Variants in EPS15 observed in about 807,000 individuals in gnomAD.
EPS15 encodes epidermal growth factor receptor substrate 15.
EPS15 carries 72 observed loss-of-function variants against 113.8 expected under a neutral mutation model. That is an observed-to-expected ratio of 0.63 (90% CI 0.52 to 0.77). The LOEUF (loss-of-function observed/expected upper bound fraction) is 0.77, where lower values mean the gene tolerates loss of function less well. EPS15 is among the 30% of genes least tolerant of loss of function. The pLI, the probability that EPS15 is intolerant of heterozygous loss-of-function variation, is 0.00. For synonymous variants in EPS15, 344 were observed against 363.4 expected (o/e 0.95, Z 0.61); for missense variants, 1,048 against 1,045.8 (o/e 1.00, Z -0.03).
chr1:51,482,996 C>T (rs1157791008), intron 1 of EPS15, among the ~76,000 whole-genome samples: 2 of 152,174 alleles, frequency 1.3e-5, no homozygotes, highest in East Asian at 1.9e-4. Context: ...CTCAGTTGCT[C>T]GCCGTCAGAG....
At chr1:51,459,162 AAAAAC>A (rs772618602) in intron 8 of EPS15, 1 of 152,272 alleles carries the variant, frequency 6.6e-6, no homozygotes, top group South Asian at 2.1e-4. Flanking sequence ...AGGAAGGGCC[AAAAAC>A]AAAAGAAAAA....
In EPS15 at chr1:51,357,931, G is replaced by T. The variant is rs180881707; in HGVS notation, c.2545-1085C>A. ...ATCCTGTATTTTTAGTAGAGATAGGGTTTCTTCATGTTGGTTAGGCTGATC... is the reference window on the plus strand; with the variant it reads ...ATCCTGTATTTTTAGTAGAGATAGGTTTTCTTCATGTTGGTTAGGCTGATC... On this transcript the variant is annotated intron_variant, in intron 24 of 24. Transcript: ENST00000371733. Among the ~76,000 whole-genome samples the T allele has an allele frequency of 1.6e-3, 243 of 152,008 alleles. 8 individuals are homozygous for T. The East Asian group carries it at 0.036, about 22-fold the overall frequency.
intron 13 of EPS15, among the ~76,000 whole-genome samples, chr1:51,413,585 A>G (rs971189954): frequency 2.0e-5 from 3 of 152,196 alleles, no homozygotes; most frequent in Non-Finnish European, 4.4e-5. Context: ...ATTTATTAAT[A>G]CCCCAAACTG....
At chr1:51,436,984 C>T (rs1181794863) in intron 12 of EPS15, among the ~76,000 whole-genome samples, 1 of 152,188 alleles carries the variant, frequency 6.6e-6, no homozygotes, top group Non-Finnish European at 1.5e-5. Flanking sequence ...TATATTACAA[C>T]TACCTGTATT....
chr1:51,472,412 A>C (rs746678000), intron 3 of EPS15, among the ~76,000 whole-genome samples: 73 of 152,204 alleles, frequency 4.8e-4, no homozygotes, highest in Non-Finnish European at 9.6e-4. Flanking sequence ...GATTCTGAAT[A>C]TATATCAATA....
chr1:51,452,030 C>T lies in EPS15; in HGVS notation c.562-3895G>A, dbSNP rs12097633. Among the ~76,000 whole-genome samples, 1,195 of 151,692 alleles carry T rather than the reference C, an allele frequency of 7.9e-3. 21 individuals are homozygous for T. Among genetic ancestry groups the T allele is most frequent in the African/African-American group, 0.028 (1,157 of 41,370 alleles). ...CCAAGTAGCTGGGTCTACAGGTAAA[C>T]GCCACCAAACCCAGCTAATTTTTTT... On this transcript the variant is annotated intron_variant, in intron 8 of 24. Transcript: ENST00000371733.
chr1:51,457,510 CTTTTTTTTTT>C (rs34245440), intron 8 of EPS15: 2 of 70,716 alleles, frequency 2.8e-5, no homozygotes, highest in Admixed American at 1.6e-4. Flanking sequence ...GGAATATTAT[CTTTTTTTTTT>C]TTTTTTTTTT....
At chr1:51,486,576 G>C (rs1553135292) in intron 1 of EPS15, among the ~76,000 whole-genome samples, 1 of 152,126 alleles carries the variant, frequency 6.6e-6, no homozygotes, top group Non-Finnish European at 1.5e-5. Flanking sequence ...GGGAGATCCT[G>C]TCTCTATAAA....
chr1:51,440,346 C>T lies in EPS15; in HGVS notation c.1040+1G>A. 2.1e-6 allele frequency: 3 copies of T among 1,400,558 alleles called. No homozygotes were observed. Among genetic ancestry groups the T allele is most frequent in the East Asian group, 2.6e-5 (1 of 38,344 alleles). 86.8% of individuals were successfully genotyped at this position (1,400,558 alleles called of 1,614,324 possible). On this transcript the variant is annotated splice_donor_variant, in intron 12 of 24. Coordinates refer to ENST00000371733, the MANE Select transcript of EPS15 (RefSeq NM_001981.3). LOFTEE classifies it high-confidence loss of function. ...GTAGGCTGTAATTTTGCTTTACATA[C>T]CTCTGTAGGTCAACTATTTCATTGT...
In EPS15 at chr1:51,423,199, C is replaced by T. The variant is rs1422252003; in HGVS notation, c.1041-1341G>A. ...TTAAACATTTGAGATGGCCAAGGAG[C>T]TCACTAACCGTTTGTCAGATGGGTC... On this transcript the variant is annotated intron_variant, in intron 12 of 24. Coordinates refer to ENST00000371733, the MANE Select transcript of EPS15 (RefSeq NM_001981.3). 4 of 1,288,570 alleles carry T rather than the reference C, an allele frequency of 3.1e-6. No individual in the cohort carries two copies. In the East Asian group the frequency reaches 2.2e-4, roughly 71 times the overall value. The allele number at this position is 1,288,570 out of a possible 1,614,324, so 79.8% of individuals were successfully genotyped here.
intron 21 of EPS15, chr1:51,372,200 T>G (rs1167983970): frequency 2.3e-6 from 1 of 432,822 alleles, no homozygotes; most frequent in African/African-American, 2.1e-5. Flanking sequence ...TTCACAGGAG[T>G]TGCTGCTACT....
chr1:51,515,297 C>T (rs540828766), intron 1 of EPS15, among the ~76,000 whole-genome samples: 1 of 151,624 alleles, frequency 6.6e-6, no homozygotes, highest in South Asian at 2.1e-4. Flanking sequence ...TGAGTGAGTC[C>T]CTGTCTCTAC....
At chr1:51,507,874 AC>A (rs1295293059) in intron 1 of EPS15, among the ~76,000 whole-genome samples, 1 of 152,026 alleles carries the variant, frequency 6.6e-6, no homozygotes, top group Non-Finnish European at 1.5e-5. Flanking sequence ...AGTGAAGAAT[AC>A]TGGAAATGAA....
intron 12 of EPS15, among the ~76,000 whole-genome samples, chr1:51,439,679 T>C (rs752594040): frequency 6.6e-6 from 1 of 152,134 alleles, no homozygotes; most frequent in Non-Finnish European, 1.5e-5. Context: ...TTGAGTCTGT[T>C]CTACATAGTA....
intron 19 of EPS15, 111 bp downstream of exon 19, chr1:51,400,807 C>A: frequency 1.9e-6 from 1 of 519,360 alleles, no homozygotes; most frequent in Non-Finnish European, 3.4e-6. Context: ...TCTGAAAATG[C>A]CAGGCACATA....
At chr1:51,423,188 T>C in intron 12 of EPS15, 5 of 1,287,586 alleles carry the variant, frequency 3.9e-6, no homozygotes, top group Non-Finnish European at 5.1e-6. Flanking sequence ...ACATTTGAGA[T>C]GGCCAAGGAG....
intron 1 of EPS15, among the ~76,000 whole-genome samples, chr1:51,495,300 T>C (rs1381110649): frequency 6.6e-6 from 1 of 152,188 alleles, no homozygotes; most frequent in Non-Finnish European, 1.5e-5. Flanking sequence ...AAAAAGGTTC[T>C]GATATGAGAA....
At chr1:51,469,634 C>T (rs943101440) in intron 4 of EPS15, among the ~76,000 whole-genome samples, 2 of 152,118 alleles carry the variant, frequency 1.3e-5, no homozygotes, top group African/African-American at 2.4e-5. Context: ...CCCGTACTCT[C>T]CCCCATACCC....
intron 21 of EPS15, among the ~76,000 whole-genome samples, chr1:51,393,153 T>C (rs1350527215): frequency 2.0e-5 from 3 of 152,208 alleles, no homozygotes; most frequent in Admixed American, 6.5e-5. Flanking sequence ...CCGAAAACAA[T>C]GCACTCTGCT....
Sources: allele counts gnomAD v4.1 joint callset (sites outside exome capture counted in the v4.1 genomes callset), GRCh38; gene constraint gnomAD v4.1.1; transcripts MANE v1.5; gene names NCBI Gene and HGNC (gene_info 2026-07-23, HGNC 2026-07-21).